Variants in AMPH observed in about 807,000 individuals in gnomAD.
The protein encoded by AMPH is amphiphysin.
In AMPH, 49 loss-of-function variants were observed where a neutral mutation model predicts 99.1. The ratio of observed to expected loss-of-function variants is 0.49; its 90% CI spans 0.39 to 0.63. AMPH has a LOEUF of 0.63. Ranked by LOEUF, AMPH falls within the 20% of genes least tolerant of loss-of-function variation. The pLI is 0.00. For synonymous variants in AMPH, 314 were observed against 317.3 expected, an observed-to-expected ratio of 0.99 and a Z score of 0.11; for missense variants, 759 against 863.4, an observed-to-expected ratio of 0.88 and a Z score of 1.52.
chr7:38,589,699 C>G (rs1249273210), intron 1 of AMPH, among the ~76,000 whole-genome samples: 1 of 152,184 alleles, frequency 6.6e-6, no homozygotes, highest in East Asian at 1.9e-4. Flanking sequence ...TGATTGCTGA[C>G]ACAGTATTTC....
intron 1 of AMPH, among the ~76,000 whole-genome samples, chr7:38,627,663 A>AG (rs1350914304): frequency 2.6e-5 from 4 of 151,244 alleles, no homozygotes; most frequent in African/African-American, 9.7e-5. Flanking sequence ...TCAAAAAAAA[A>AG]AAAAAAAAAG....
At chr7:38,616,395 C>T (rs910239311) in intron 1 of AMPH, among the ~76,000 whole-genome samples, 54 of 152,164 alleles carry the variant, frequency 3.5e-4, no homozygotes, top group Non-Finnish European at 6.0e-4. Context: ...GTGGACAGGA[C>T]TATAAATTTG....
intron 2 of AMPH, among the ~76,000 whole-genome samples, chr7:38,508,084 G>A (rs1371912640): frequency 1.3e-5 from 2 of 152,098 alleles, no homozygotes; most frequent in Non-Finnish European, 2.9e-5. Flanking sequence ...CAGAAGAAAG[G>A]AGCCATAGTT....
chr7:38,620,096 C>G (rs1794000102), intron 1 of AMPH, among the ~76,000 whole-genome samples: 1 of 151,856 alleles, frequency 6.6e-6, no homozygotes, highest in African/African-American at 2.4e-5. Flanking sequence ...AGATTGTCTG[C>G]TATGAAAGAT....
At chr7:38,485,259 T>C (rs1022604681) in intron 5 of AMPH, among the ~76,000 whole-genome samples, 1 of 151,956 alleles carries the variant, frequency 6.6e-6, no homozygotes, top group Non-Finnish European at 1.5e-5. Context: ...TAGAACACAC[T>C]TGGCTGAAAA....
At chr7:38,510,551 C>T (rs1450729810) in intron 2 of AMPH, among the ~76,000 whole-genome samples, 1 of 152,178 alleles carries the variant, frequency 6.6e-6, no homozygotes, top group Admixed American at 6.5e-5. Flanking sequence ...GCTCATACTC[C>T]TCACAATAAT....
chr7:38,500,968 T>C (rs1789115964), intron 3 of AMPH, among the ~76,000 whole-genome samples: 1 of 152,194 alleles, frequency 6.6e-6, no homozygotes, highest in Non-Finnish European at 1.5e-5. Context: ...TAAGTGCTCA[T>C]GAAAAAGTAA....
intron 1 of AMPH, among the ~76,000 whole-genome samples, chr7:38,558,986 A>G (rs1257960283): frequency 1.3e-5 from 2 of 152,260 alleles, no homozygotes; most frequent in African/African-American, 4.8e-5. Context: ...ACAGTGAGAC[A>G]TAAGGAAATT....
chr7:38,455,138 G>A (rs1040424684), intron 11 of AMPH, among the ~76,000 whole-genome samples: 1 of 151,560 alleles, frequency 6.6e-6, no homozygotes, highest in Admixed American at 6.6e-5. Flanking sequence ...GGAGTGCAAC[G>A]GCACAATCTT....
intron 15 of AMPH, among the ~76,000 whole-genome samples, chr7:38,423,917 C>T (rs1785687254): frequency 6.6e-6 from 1 of 152,126 alleles, no homozygotes; most frequent in Admixed American, 6.6e-5. Flanking sequence ...AAACAGGGTC[C>T]CTGGACTGGG....
intron 1 of AMPH, among the ~76,000 whole-genome samples, chr7:38,543,559 C>T (rs1436131573): frequency 6.6e-6 from 1 of 152,124 alleles, no homozygotes; most frequent in Non-Finnish European, 1.5e-5. Flanking sequence ...ATCTAAGTGT[C>T]CTATATCTAA....
At chr7:38,429,001 C>T (rs1785894415) in intron 14 of AMPH, 2 of 1,289,938 alleles carry the variant, frequency 1.6e-6, no homozygotes, top group South Asian at 2.5e-5. Context: ...CATGCTTTCT[C>T]TTCAAATTCC....
At chr7:38,509,553 T>C (rs1673339986) in intron 2 of AMPH, among the ~76,000 whole-genome samples, 1 of 152,242 alleles carries the variant, frequency 6.6e-6, no homozygotes, top group South Asian at 2.1e-4. Context: ...CCATAGTGTG[T>C]TAAACCGCCA....
chr7:38,433,500 C>T (rs1249378387), intron 12 of AMPH, among the ~76,000 whole-genome samples: 14 of 151,520 alleles, frequency 9.2e-5, no homozygotes, highest in East Asian at 3.9e-4. Flanking sequence ...CCGAGGCGGG[C>T]GGATCACGAG....
At chr7:38,431,568 AGGG>A (rs1171874946) in intron 13 of AMPH, among the ~76,000 whole-genome samples, 2 of 151,936 alleles carry the variant, frequency 1.3e-5, no homozygotes, top group East Asian at 1.9e-4. Context: ...AGGCAGGAGA[AGGG>A]TGTGAACCCG....
At chr7:38,601,933 G>T (rs2129061670) in intron 1 of AMPH, among the ~76,000 whole-genome samples, 1 of 152,318 alleles carries the variant, frequency 6.6e-6, no homozygotes, top group Non-Finnish European at 1.5e-5. Context: ...CCGAAGGCCT[G>T]TGTATTGCTC....
At chr7:38,539,616 A>G (rs1431530197) in intron 1 of AMPH, among the ~76,000 whole-genome samples, 1 of 152,212 alleles carries the variant, frequency 6.6e-6, no homozygotes. Context: ...ATGCACACAC[A>G]GCAGATCCAT....
At chr7:38,608,120 GAGCC>G (rs1431547252) in intron 1 of AMPH, among the ~76,000 whole-genome samples, 6 of 152,278 alleles carry the variant, frequency 3.9e-5, no homozygotes, top group Admixed American at 3.9e-4. Flanking sequence ...TTACAGGCAA[GAGCC>G]ACCACGCCTG....
intron 20 of AMPH, among the ~76,000 whole-genome samples, chr7:38,385,624 G>A (rs544886065): frequency 2.0e-5 from 3 of 152,256 alleles, no homozygotes; most frequent in South Asian, 2.1e-4. Flanking sequence ...TGCTGGAAGC[G>A]CTCCTATATC....
Sources: allele counts gnomAD v4.1 joint callset (sites outside exome capture counted in the v4.1 genomes callset), GRCh38; gene constraint gnomAD v4.1.1; transcripts MANE v1.5; gene names NCBI Gene and HGNC (gene_info 2026-07-23, HGNC 2026-07-21).